Variants in LCP1 observed in about 807,000 individuals in gnomAD.
The protein encoded by LCP1 is plastin-2.
Under a neutral mutation model 72.0 loss-of-function variants are expected in LCP1, and 23 were observed. That is an observed-to-expected ratio of 0.32 (90% CI 0.23 to 0.45). The LOEUF is 0.45. Among genes scored for constraint, LCP1 ranks in the 20% least tolerant of loss-of-function variants. The pLI, the probability that LCP1 is intolerant of heterozygous loss-of-function variation, is 1.00. For missense variants in LCP1, 571 were observed against 748.3 expected, an observed-to-expected ratio of 0.76 and a Z score of 2.76; for synonymous variants, 245 against 275.4, an observed-to-expected ratio of 0.89 and a Z score of 1.09.
At chr13:46,140,464 G>A (rs2045690667) in intron 13 of LCP1, among the ~76,000 whole-genome samples, 1 of 152,180 alleles carries the variant, frequency 6.6e-6, no homozygotes, top group Non-Finnish European at 1.5e-5. Context: ...ATGAGCTCTA[G>A]ATTAATTAAG....
intron 13 of LCP1, among the ~76,000 whole-genome samples, chr13:46,135,892 C>T (rs1463819316): frequency 6.6e-6 from 1 of 151,940 alleles, no homozygotes; most frequent in East Asian, 1.9e-4. Flanking sequence ...ACGGGATGGA[C>T]CACAGACACA....
At chr13:46,129,541 C>T (rs1209541940) in intron 15 of LCP1, among the ~76,000 whole-genome samples, 1 of 152,172 alleles carries the variant, frequency 6.6e-6, no homozygotes, top group African/African-American at 2.4e-5. Context: ...ATGCCTCATA[C>T]TGTCCCTTCC....
intron 13 of LCP1, among the ~76,000 whole-genome samples, chr13:46,141,612 A>C (rs2045699437): frequency 6.6e-6 from 1 of 152,142 alleles, no homozygotes; most frequent in South Asian, 2.1e-4. Flanking sequence ...AGAAAAAACT[A>C]TCAACTTAGA....
intron 13 of LCP1, 136 bp from the exon 14 acceptor site, chr13:46,134,386 A>T (rs1319053187): frequency 1.4e-6 from 1 of 694,048 alleles, no homozygotes; most frequent in East Asian, 2.7e-5. Context: ...TTGAGAGAAA[A>T]AAAGAACATA....
rs555881929 is a variant in LCP1, at chr13:46,147,407, T to C, written c.979-304A>G. The stretch of plus-strand genomic sequence containing the variant: ...AGATTCTGAAAACTGATCATTTGAG[T>C]TTATCTTAATTATTTCCAACCATTA... On this transcript the variant is annotated intron_variant, in intron 9 of 15. Coordinates refer to ENST00000323076, the MANE Select transcript of LCP1 (RefSeq NM_002298.5). Among the ~76,000 whole-genome samples, 15 of 152,370 alleles carry C rather than the reference T, an allele frequency of 9.8e-5. No individual in the cohort carries two copies. The South Asian group carries it at 2.7e-3, about 27-fold the overall frequency.
At chr13:46,155,013 T>C (rs2045792032) in intron 5 of LCP1, 127 bp from the exon 6 acceptor site, 1 of 716,268 alleles carries the variant, frequency 1.4e-6, no homozygotes, top group Non-Finnish European at 2.4e-6. Context: ...TGTTTAGATA[T>C]AAAATCAGTT....
intron 1 of LCP1, among the ~76,000 whole-genome samples, chr13:46,179,071 GTA>G (rs1204703311): frequency 6.6e-6 from 1 of 152,112 alleles, no homozygotes. Flanking sequence ...CCATTATTGG[GTA>G]TATAGTTTTG....
chr13:46,129,804 A>C (rs1331668339), intron 15 of LCP1, among the ~76,000 whole-genome samples: 1 of 152,142 alleles, frequency 6.6e-6, no homozygotes, highest in Non-Finnish European at 1.5e-5. Context: ...AGCACCTCAG[A>C]GTATGACCCT....
intron 8 of LCP1, chr13:46,148,726 G>T: frequency 4.6e-6 from 3 of 647,318 alleles, no homozygotes; most frequent in Non-Finnish European, 6.0e-6. Context: ...GTCTTTAGGG[G>T]AGAAAAACAA....
intron 4 of LCP1, among the ~76,000 whole-genome samples, chr13:46,157,267 T>TATAC (rs1036901056): frequency 6.6e-6 from 1 of 151,822 alleles, no homozygotes; most frequent in African/African-American, 2.4e-5. Flanking sequence ...CATATATATA[T>TATAC]ACACATATAA....
intron 1 of LCP1, among the ~76,000 whole-genome samples, chr13:46,172,013 G>A (rs968596650): frequency 1.3e-5 from 2 of 152,254 alleles, no homozygotes; most frequent in African/African-American, 2.4e-5. Flanking sequence ...TTTTAGTACC[G>A]AGGGGGTTAC....
chr13:46,166,126 C>G (rs1473635545), intron 1 of LCP1, among the ~76,000 whole-genome samples: 5 of 152,008 alleles, frequency 3.3e-5, no homozygotes, highest in Admixed American at 2.0e-4. Context: ...CTTAAGTTCT[C>G]TAAAGTCTGA....
chr13:46,129,827 G>C (rs1261329519), intron 15 of LCP1, among the ~76,000 whole-genome samples: 1 of 152,162 alleles, frequency 6.6e-6, no homozygotes, highest in South Asian at 2.1e-4. Context: ...TTGGAAAGAG[G>C]GTTGCTGCAG....
intron 13 of LCP1, 136 bp downstream of exon 13, chr13:46,142,156 A>C: frequency 1.1e-6 from 1 of 901,704 alleles, no homozygotes. Flanking sequence ...CAGAAAGGTA[A>C]AAAGTGTTTC....
intron 1 of LCP1, among the ~76,000 whole-genome samples, chr13:46,161,329 T>G (rs1218397646): frequency 5.9e-5 from 9 of 152,226 alleles, no homozygotes; most frequent in Non-Finnish European, 1.0e-4. Flanking sequence ...TCATTTAAAT[T>G]TAAATGTATT....
intron 13 of LCP1, among the ~76,000 whole-genome samples, chr13:46,138,491 G>T (rs2045678273): frequency 6.6e-6 from 1 of 152,180 alleles, no homozygotes; most frequent in Admixed American, 6.5e-5. Context: ...TTTTTAACCA[G>T]GTGGAGACAG....
intron 15 of LCP1, among the ~76,000 whole-genome samples, chr13:46,128,392 A>C (rs193220391): frequency 7.9e-5 from 12 of 152,168 alleles, no homozygotes; most frequent in Admixed American, 5.2e-4. Context: ...AGGTCAGGAG[A>C]TCGAGACCAT....
chr13:46,142,839 C>T, intron 12 of LCP1: 1 of 449,512 alleles, frequency 2.2e-6, no homozygotes, highest in Non-Finnish European at 4.4e-6. Context: ...TGTAGCTACG[C>T]ATGGATCATT....
intron 1 of LCP1, among the ~76,000 whole-genome samples, chr13:46,177,555 G>A (rs1048682747): frequency 2.6e-5 from 4 of 152,052 alleles, no homozygotes; most frequent in East Asian, 1.9e-4. Flanking sequence ...CAGGAGAATC[G>A]CTTGAACCCA....
Sources: gnomAD v4.1 joint callset for allele counts (sites outside exome capture counted in the v4.1 genomes callset) on GRCh38, gnomAD v4.1.1 for gene constraint, MANE v1.5 for transcripts, NCBI Gene and HGNC (gene_info 2026-07-23, HGNC 2026-07-21) for gene names.